The following GPC6 variants were observed in gnomAD, a reference collection of about 807,000 sequenced individuals.
The protein encoded by GPC6 is glypican 6.
Under a neutral mutation model 55.2 loss-of-function variants are expected in GPC6, and 14 were observed. The observed-to-expected ratio is 0.25, with a 90% confidence interval of 0.17 to 0.40. The LOEUF is 0.40. GPC6 is among the 10% of genes least tolerant of loss of function. The pLI is 1.00. For synonymous variants in GPC6, 278 were observed against 259.6 expected (o/e 1.07, Z -0.68); for missense variants, 641 against 708.5 (o/e 0.90, Z 1.08).
chr13:94,180,274 T>C (rs1888943501), intron 4 of GPC6, among the ~76,000 whole-genome samples: 1 of 152,200 alleles, frequency 6.6e-6, no homozygotes, highest in South Asian at 2.1e-4. Flanking sequence ...TGCTAAACTG[T>C]ACGTGAACAC....
intron 2 of GPC6, among the ~76,000 whole-genome samples, chr13:93,789,638 T>TATATAG: frequency 1.0e-5 from 1 of 100,344 alleles, no homozygotes. Context: ...TATATATATA[T>TATATAG]ATATATAGTA....
At chr13:93,929,619 C>T (rs1878050603) in intron 3 of GPC6, among the ~76,000 whole-genome samples, 1 of 151,990 alleles carries the variant, frequency 6.6e-6, no homozygotes, top group Admixed American at 6.6e-5. Context: ...ACAGAAATTA[C>T]AATGGGAATT....
At chr13:93,744,317 C>T (rs559753310) in intron 2 of GPC6, among the ~76,000 whole-genome samples, 21 of 152,142 alleles carry the variant, frequency 1.4e-4, no homozygotes, top group African/African-American at 5.1e-4. Flanking sequence ...TGATGAAGCT[C>T]GTCTCTACCC....
Position 93,336,416 on chromosome 13 carries a change from G to T in GPC6, c.160+108800G>T, listed in dbSNP as rs143213615. 7.9e-5 allele frequency among the ~76,000 whole-genome samples: 12 copies of T among 152,280 alleles called. No individual in the cohort carries two copies. In the East Asian group the frequency reaches 2.3e-3, roughly 29 times the overall value. ...GATTTGGATGTCTTCCAGTAGTTCA[G>T]AGTTTCACTTAGCACCAAAAATTAA... is the stretch of plus-strand genomic sequence containing the variant. On this transcript the variant is annotated intron_variant, in intron 1 of 8. Coordinates refer to ENST00000377047, the MANE Select transcript of GPC6 (RefSeq NM_005708.5).
At chr13:93,796,077 T>A (rs989560319) in intron 2 of GPC6, among the ~76,000 whole-genome samples, 2 of 150,570 alleles carry the variant, frequency 1.3e-5, no homozygotes, top group African/African-American at 4.9e-5. Context: ...GTGCCTGTAG[T>A]CCCAGCTAAT....
intron 5 of GPC6, among the ~76,000 whole-genome samples, chr13:94,290,116 T>C (rs571013037): frequency 6.6e-6 from 1 of 152,172 alleles, no homozygotes; most frequent in African/African-American, 2.4e-5. Flanking sequence ...AATGAAGTAA[T>C]AAAAATCATT....
At chr13:93,828,742 G>A (rs9524247) in intron 2 of GPC6, among the ~76,000 whole-genome samples, 41,229 of 151,910 alleles carry the variant, frequency 0.27, 5,738 homozygotes, top group Non-Finnish European at 0.29. Flanking sequence ...TAGAAAGGAG[G>A]TAAACAAATG....
intron 6 of GPC6, among the ~76,000 whole-genome samples, chr13:94,318,406 T>C (rs538601457): frequency 3.3e-5 from 5 of 152,274 alleles, no homozygotes; most frequent in African/African-American, 1.2e-4. Context: ...GTTTCATTTA[T>C]AAATTAGGCA....
At chr13:93,260,529 T>C (rs1412801683) in intron 1 of GPC6, among the ~76,000 whole-genome samples, 4 of 152,146 alleles carry the variant, frequency 2.6e-5, no homozygotes, top group African/African-American at 9.7e-5. Flanking sequence ...GGTGAATGTC[T>C]GTTTTAATTG....
intron 6 of GPC6, among the ~76,000 whole-genome samples, chr13:94,351,049 A>G (rs1316092172): frequency 6.6e-6 from 1 of 152,160 alleles, no homozygotes; most frequent in Admixed American, 6.5e-5. Flanking sequence ...GGAAGATTTT[A>G]GATGAGTGGG....
chr13:94,286,480 G>C lies in GPC6; in HGVS notation c.1008+1G>C. ...AAACAGCATGCAGGTGTCTGCAAAGGTATTTGCATTAGTAATGTATCTGCC... is the reference window on the plus strand; with the variant it reads ...AAACAGCATGCAGGTGTCTGCAAAGCTATTTGCATTAGTAATGTATCTGCC... On this transcript the variant is annotated splice_donor_variant, in intron 5 of 8. Transcript: ENST00000377047. LOFTEE classifies it high-confidence loss of function. 1 of 1,611,906 alleles carries C rather than the reference G, an allele frequency of 6.2e-7. No homozygotes were observed.
intron 4 of GPC6, among the ~76,000 whole-genome samples, chr13:94,163,835 G>A (rs1888255161): frequency 6.6e-6 from 1 of 152,034 alleles, no homozygotes; most frequent in African/African-American, 2.4e-5. Context: ...ACTTGGAAAG[G>A]CATTACATAA....
chr13:93,937,630 G>A (rs897713744), intron 3 of GPC6, among the ~76,000 whole-genome samples: 3 of 152,188 alleles, frequency 2.0e-5, no homozygotes, highest in African/African-American at 7.2e-5. Context: ...CCAGGCTGGA[G>A]TGCAGTGACT....
intron 3 of GPC6, among the ~76,000 whole-genome samples, chr13:93,844,992 C>T (rs1038177960): frequency 1.3e-5 from 2 of 152,000 alleles, no homozygotes; most frequent in Admixed American, 6.6e-5. Context: ...CTGTTCTGTT[C>T]CATTGATCTA....
intron 6 of GPC6, among the ~76,000 whole-genome samples, chr13:94,320,180 C>A (rs911184171): frequency 6.6e-6 from 1 of 152,198 alleles, no homozygotes; most frequent in Non-Finnish European, 1.5e-5. Flanking sequence ...AACCCAGCCA[C>A]TTAGTTTTTA....
At chr13:93,384,554 A>G (rs1045818488) in intron 1 of GPC6, among the ~76,000 whole-genome samples, 2 of 152,206 alleles carry the variant, frequency 1.3e-5, no homozygotes, top group African/African-American at 4.8e-5. Flanking sequence ...TTCCTATACA[A>G]AGATCTGTAA....
At chr13:94,225,662 AG>A (rs1890530625) in intron 4 of GPC6, among the ~76,000 whole-genome samples, 1 of 109,902 alleles carries the variant, frequency 9.1e-6, no homozygotes, top group Non-Finnish European at 2.0e-5. Context: ...GTGTGTGTAA[AG>A]TATACACATA....
At chr13:93,522,350 A>C (rs1229786803) in intron 1 of GPC6, among the ~76,000 whole-genome samples, 1 of 151,972 alleles carries the variant, frequency 6.6e-6, no homozygotes, top group Non-Finnish European at 1.5e-5. Context: ...TTTTGTGTTC[A>C]TGTATAATTC....
At chr13:93,231,026 T>A (rs1201414720) in intron 1 of GPC6, among the ~76,000 whole-genome samples, 1 of 152,016 alleles carries the variant, frequency 6.6e-6, no homozygotes, top group South Asian at 2.1e-4. Context: ...TATGTGCCCA[T>A]CACCTACTTA....
Sources: gnomAD v4.1 joint callset for allele counts (sites outside exome capture counted in the v4.1 genomes callset) on GRCh38, gnomAD v4.1.1 for gene constraint, MANE v1.5 for transcripts, NCBI Gene and HGNC (gene_info 2026-07-23, HGNC 2026-07-21) for gene names.